MYO5B: variants seen among roughly 807,000 people sequenced by gnomAD.
The protein encoded by MYO5B is myosin VB.
A neutral mutation model predicts 229.3 loss-of-function variants in MYO5B; 143 were observed. The observed-to-expected ratio is 0.62, with a 90% CI of 0.54 to 0.72. MYO5B has a LOEUF of 0.72. MYO5B is among the 30% of genes least tolerant of loss of function. The probability of loss-of-function intolerance (pLI) is 0.00; values close to 1 mark genes in which losing one functional copy is unlikely to be tolerated. For synonymous variants in MYO5B, 918 were observed against 885.2 expected (o/e 1.04, Z -0.66); for missense variants, 2,321 against 2,331.0 (o/e 1.00, Z 0.09).
chr18:50,043,378 A>C (rs1228925912), intron 2 of MYO5B, among the ~76,000 whole-genome samples: 5 of 104,780 alleles, frequency 4.8e-5, no homozygotes, highest in Non-Finnish European at 7.2e-5. Flanking sequence ...ATAATATATA[A>C]TATATTAAAT....
chr18:50,135,281 G>C (rs1456083942), intron 1 of MYO5B, among the ~76,000 whole-genome samples: 1 of 152,144 alleles, frequency 6.6e-6, no homozygotes, highest in Non-Finnish European at 1.5e-5. Flanking sequence ...CTTGCTTTGA[G>C]GTTTTTCAAG....
At chr18:49,872,299 A>G (rs1043367072) in intron 26 of MYO5B, 67 bp from the exon 27 acceptor site, 75 of 1,537,612 alleles carry the variant, frequency 4.9e-5, no homozygotes, top group Middle Eastern at 1.8e-4. Flanking sequence ...GGTGTTTCCA[A>G]CTGTGGTCAA....
chr18:50,188,970 T>C (rs112673386), intron 1 of MYO5B, among the ~76,000 whole-genome samples: 1,708 of 152,228 alleles, frequency 0.011, 34 homozygotes, highest in African/African-American at 0.039. Flanking sequence ...CCACTGGGCT[T>C]ATAGGCCCAT....
chr18:50,053,995 T>C (rs934006399), intron 2 of MYO5B, among the ~76,000 whole-genome samples: 1 of 152,124 alleles, frequency 6.6e-6, no homozygotes, highest in Admixed American at 6.5e-5. Context: ...CCTATTTTTC[T>C]CCCAGTCGTC....
At chr18:49,861,656 G>A (rs1372317360) in intron 29 of MYO5B, among the ~76,000 whole-genome samples, 2 of 151,900 alleles carry the variant, frequency 1.3e-5, no homozygotes, top group Non-Finnish European at 2.9e-5. Flanking sequence ...TACCTACTCA[G>A]TGGCTGGAAA....
In MYO5B at chr18:49,915,048, T is replaced by A. The variant is rs1454241456; in HGVS notation, c.2091-2875A>T. On this transcript the variant is annotated intron_variant, in intron 17 of 39. Coordinates refer to ENST00000285039, the MANE Select transcript of MYO5B (RefSeq NM_001080467.3). The stretch of plus-strand genomic sequence containing the variant: ...ATTGCTCCTTTGCAAACGCTTTTCC[T>A]GGTCTGGTGGAAGATGTCTAACACA... 4.6e-5 allele frequency among the ~76,000 whole-genome samples: 7 copies of A among 152,224 alleles called. 1 individual carries two copies. The highest frequency in any genetic ancestry group is 4.6e-4 in the Admixed American group (7 of 15,284).
intron 1 of MYO5B, among the ~76,000 whole-genome samples, chr18:50,183,306 CATATATATATAT>C (rs71169486): frequency 0.49 from 53,589 of 110,084 alleles, 12,752 homozygotes; most frequent in East Asian, 0.62. Flanking sequence ...TCAATTTTAT[CATATATATATAT>C]ATATATATAT....
At chr18:49,987,366 A>G (rs1276014270) in intron 7 of MYO5B, among the ~76,000 whole-genome samples, 1 of 152,128 alleles carries the variant, frequency 6.6e-6, no homozygotes, top group African/African-American at 2.4e-5. Flanking sequence ...GGTACATCCA[A>G]ATAGGACTCA....
At chr18:50,107,788 A>G (rs1305907563) in intron 1 of MYO5B, among the ~76,000 whole-genome samples, 1 of 152,220 alleles carries the variant, frequency 6.6e-6, no homozygotes, top group East Asian at 1.9e-4. Flanking sequence ...GCATACATGT[A>G]CTTACAGTAT....
At chr18:49,877,470 T>C (rs2144102374) in intron 25 of MYO5B, among the ~76,000 whole-genome samples, 1 of 151,920 alleles carries the variant, frequency 6.6e-6, no homozygotes, top group African/African-American at 2.4e-5. Context: ...CTATTTCACC[T>C]CTCTGCATCA....
At chr18:49,988,844 G>A (rs1263677833) in intron 7 of MYO5B, among the ~76,000 whole-genome samples, 1 of 152,154 alleles carries the variant, frequency 6.6e-6, no homozygotes, top group African/African-American at 2.4e-5. Context: ...CCCCTGTTCT[G>A]CTTAGCAGGG....
chr18:49,889,706 A>G (rs1256813235), intron 22 of MYO5B, among the ~76,000 whole-genome samples: 1 of 152,248 alleles, frequency 6.6e-6, no homozygotes, highest in African/African-American at 2.4e-5. Flanking sequence ...TCCCTCTGAA[A>G]TGGAACATGC....
rs116468442 is a variant in MYO5B at position 49,842,133 on chromosome 18, G to A, written c.4612-679C>T. 5.8e-3 allele frequency among the ~76,000 whole-genome samples: 880 copies of A among 152,024 alleles called. 8 individuals carry two copies. Among genetic ancestry groups the A allele is most frequent in the African/African-American group, 0.02 (815 of 41,484 alleles). On this transcript the variant is annotated intron_variant, in intron 34 of 39. Coordinates refer to ENST00000285039, the MANE Select transcript of MYO5B (RefSeq NM_001080467.3). ...AAAGAAATGAGGTTGAATAGAAAGT[G>A]ACTGCTGGGGCTGGGACATGCTATT...
At position 49,867,373 on chromosome 18, in the gene MYO5B, C is replaced by T. The variant is rs530958102; in HGVS notation, c.3604-2993G>A. Among the ~76,000 whole-genome samples, 9 of 152,184 alleles carry T rather than the reference C, an allele frequency of 5.9e-5. No homozygotes were observed. In the South Asian group the frequency reaches 8.3e-4, roughly 14 times the overall value. On this transcript the variant is annotated intron_variant, in intron 27 of 39. Coordinates refer to ENST00000285039, the MANE Select transcript of MYO5B (RefSeq NM_001080467.3). ...CAGATGTGTGCAGCTGTAGTCCCCA[C>T]GGCGCAGTGAGCAGTTGGAATTATG...
intron 27 of MYO5B, among the ~76,000 whole-genome samples, chr18:49,868,995 T>C (rs2024428277): frequency 6.6e-6 from 1 of 152,224 alleles, no homozygotes; most frequent in Non-Finnish European, 1.5e-5. Context: ...GGTGTCTTCC[T>C]AGAGTAGCCT....
At chr18:49,877,606 T>C (rs2024540992) in intron 25 of MYO5B, among the ~76,000 whole-genome samples, 157 bp downstream of exon 25, 1 of 152,210 alleles carries the variant, frequency 6.6e-6, no homozygotes, top group Non-Finnish European at 1.5e-5. Context: ...TGTCTCTAAA[T>C]CCACTGTAGT....
intron 1 of MYO5B, among the ~76,000 whole-genome samples, chr18:50,182,887 G>A (rs1184500822): frequency 6.6e-6 from 1 of 152,122 alleles, no homozygotes; most frequent in African/African-American, 2.4e-5. Context: ...AATGATATTT[G>A]TTGAGTTCCT....
chr18:50,183,967 A>T (rs1161467906), intron 1 of MYO5B, among the ~76,000 whole-genome samples: 1 of 152,180 alleles, frequency 6.6e-6, no homozygotes, highest in Non-Finnish European at 1.5e-5. Context: ...CCACCATGTT[A>T]TGACATCAGG....
intron 39 of MYO5B, 106 bp from the exon 40 acceptor site, chr18:49,826,729 G>T: frequency 7.6e-7 from 1 of 1,324,002 alleles, no homozygotes; most frequent in Non-Finnish European, 1.1e-6. Flanking sequence ...AGATTTCTAC[G>T]ACAATTAGGT....
Sources: allele counts gnomAD v4.1 joint callset (sites outside exome capture counted in the v4.1 genomes callset), GRCh38; gene constraint gnomAD v4.1.1; transcripts MANE v1.5; gene names NCBI Gene and HGNC (gene_info 2026-07-23, HGNC 2026-07-21).